Variants in TOX4 observed in about 807,000 individuals in gnomAD.
The protein encoded by TOX4 is TOX high mobility group box family member 4, also known as epidermal Langerhans cell protein LCP1.
TOX4 carries 12 observed loss-of-function variants against 61.0 expected under a neutral mutation model. The ratio of observed to expected loss-of-function variants is 0.20; its 90% confidence interval spans 0.13 to 0.32. The LOEUF is 0.32. TOX4 is among the 10% of genes least tolerant of loss of function. TOX4 has a pLI of 1.00. For missense variants in TOX4, 499 were observed against 753.3 expected, an observed-to-expected ratio of 0.66 and a Z score of 3.95; for synonymous variants, 268 against 274.8, an observed-to-expected ratio of 0.98 and a Z score of 0.24.
Position 21,496,843 on chromosome 14 carries a change from G to A in TOX4, c.*237G>A, listed in dbSNP as rs1891414074. 2 of 454,724 alleles carry A rather than the reference G, an allele frequency of 4.4e-6. No homozygotes were observed. The highest frequency in any genetic ancestry group is 7.8e-5 in the Admixed American group (2 of 25,750). The allele number at this position is 454,724 out of a possible 1,614,324, so 28.2% of individuals were successfully genotyped here. ...CATAAGCGGTAATAGCAGAGGAAAG[G>A]GTGAAGGGAGTCTGGGCAAGCAAAG... On this transcript the variant is annotated 3_prime_UTR_variant, in exon 9 of 9. Transcript: ENST00000448790.
Position 21,477,290 on chromosome 14 carries a change from A to G in TOX4, c.6+6A>G. 1 of 1,613,996 alleles carries G rather than the reference A, an allele frequency of 6.2e-7. No individual in the cohort carries two copies. Among genetic ancestry groups the G allele is most frequent in the Non-Finnish European group, 8.5e-7 (1 of 1,179,944 alleles). Reference sequence around the variant, plus strand: ...GCGGTTGTGTGAAGATGGAGGTAGGAACCTGATAGCTAAGAAGGCTGGCGA... The same window carrying G: ...GCGGTTGTGTGAAGATGGAGGTAGGGACCTGATAGCTAAGAAGGCTGGCGA... On this transcript the variant is annotated splice_donor_region_variant and intron_variant, in intron 1 of 8. Transcript: ENST00000448790.
intron 2 of TOX4, among the ~76,000 whole-genome samples, chr14:21,480,003 T>A (rs565171029): frequency 6.6e-6 from 1 of 152,282 alleles, no homozygotes; most frequent in East Asian, 1.9e-4. Flanking sequence ...TTGCTTTTGC[T>A]TTTGTTTTTA....
chr14:21,494,486 G>A (rs1480134002), intron 7 of TOX4, among the ~76,000 whole-genome samples: 1 of 152,110 alleles, frequency 6.6e-6, no homozygotes, highest in East Asian at 1.9e-4. Context: ...GGTGGCTCAC[G>A]CCTGTAATCC....
Position 21,483,974 on chromosome 14 carries a change from A to AT in TOX4, c.76-3472dup, listed in dbSNP as rs1442968127. Among the ~76,000 whole-genome samples, 5 of 151,820 alleles carry AT rather than the reference A, an allele frequency of 3.3e-5. 1 individual carries two copies. The East Asian group carries it at 9.7e-4, about 30-fold the overall frequency. On this transcript the variant is annotated intron_variant, in intron 2 of 8. Coordinates refer to ENST00000448790, the MANE Select transcript of TOX4 (RefSeq NM_014828.4). Reference sequence around the variant, plus strand: ...AGACGCACACCACCACACCCAGCTAATTTTTGTATTTTTAGTAGAGATGGG... The same window carrying AT: ...AGACGCACACCACCACACCCAGCTAATTTTTTGTATTTTTAGTAGAGATGGG...
Position 21,477,200 on chromosome 14 carries a change from G to A in TOX4, c.-79G>A, listed in dbSNP as rs1030750309. 5.0e-6 allele frequency: 8 copies of A among 1,611,802 alleles called. No homozygotes were observed. The highest frequency in any genetic ancestry group is 1.3e-5 in the African/African-American group (1 of 74,884). On this transcript the variant is annotated 5_prime_UTR_variant, in exon 1 of 9. Coordinates refer to ENST00000448790, the MANE Select transcript of TOX4 (RefSeq NM_014828.4). ...CAGCAGAGAGAACACACGTCCTTGCGGAAGTGACGGCAGTTCCGAGTCCAG... is the reference window on the plus strand; with the variant it reads ...CAGCAGAGAGAACACACGTCCTTGCAGAAGTGACGGCAGTTCCGAGTCCAG...
At position 21,498,253 on chromosome 14, in the gene TOX4, T is replaced by C; in HGVS notation, c.*1647T>C. ...ATGGATTCTTAGCTCTGTAAGGAAG[T>C]GCTTCTATAAATTCTTAGGTTTAGA... On this transcript the variant is annotated 3_prime_UTR_variant, in exon 9 of 9. Coordinates refer to ENST00000448790, the MANE Select transcript of TOX4 (RefSeq NM_014828.4). 6.6e-7 allele frequency: 1 copy of C among 1,507,166 alleles called. No individual in the cohort carries two copies. The highest frequency in any genetic ancestry group is 9.2e-7 in the Non-Finnish European group (1 of 1,082,382). The allele number at this position is 1,507,166 out of a possible 1,614,324, so 93.4% of individuals were successfully genotyped here.
chr14:21,483,898 C>T (rs774266520), intron 2 of TOX4, among the ~76,000 whole-genome samples: 3 of 151,994 alleles, frequency 2.0e-5, no homozygotes, highest in Non-Finnish European at 4.4e-5. Flanking sequence ...GCCTTCAACT[C>T]CTGGGTTCAA....
intron 3 of TOX4, chr14:21,488,388 G>C: frequency 6.8e-6 from 4 of 589,522 alleles, no homozygotes. Flanking sequence ...CTTCTTTTGA[G>C]TGCAAAGAAG....
intron 5 of TOX4, 55 bp from the exon 6 acceptor site, chr14:21,492,241 C>A: frequency 6.8e-7 from 1 of 1,481,414 alleles, no homozygotes; most frequent in Non-Finnish European, 9.3e-7. Context: ...AACTATCAGT[C>A]TTTCCTAAGA....
chr14:21,485,458 G>A (rs1891178357), intron 2 of TOX4, among the ~76,000 whole-genome samples: 1 of 104,222 alleles, frequency 9.6e-6, no homozygotes, highest in Admixed American at 8.6e-5. Context: ...ATGGTGGTGT[G>A]CACCTGTAGT....
intron 3 of TOX4, 123 bp from the exon 4 acceptor site, chr14:21,488,467 A>G: frequency 1.1e-6 from 1 of 926,064 alleles, no homozygotes; most frequent in Non-Finnish European, 1.6e-6. Flanking sequence ...AGACTATTTT[A>G]TGTTTTGTAT....
At chr14:21,482,601 T>A in intron 2 of TOX4, 1 of 470,018 alleles carries the variant, frequency 2.1e-6, no homozygotes, top group South Asian at 1.6e-5. Context: ...AAAGGAAAGC[T>A]AAGTTAGAAG....
At position 21,487,663 on chromosome 14, in the gene TOX4, C is replaced by T. The variant is rs762717084; in HGVS notation, c.288C>T (p.Gly96=). The change falls in exon 3 of 9, where the codon GGC becomes GGT. Residue 96 remains glycine (G), a synonymous_variant. Coordinates refer to ENST00000448790, the MANE Select transcript of TOX4 (RefSeq NM_014828.4). ...VGMTHGLMEQ[G]GGLLSGGLTM... is the part of the protein sequence containing the mutation. ...TGACCCATGGCTTGATGGAGCAGGGCGGGGGGCTCCTGAGTGGGGGCTTGA... is the reference window on the plus strand; with the variant it reads ...TGACCCATGGCTTGATGGAGCAGGGTGGGGGGCTCCTGAGTGGGGGCTTGA... 2.0e-5 allele frequency: 33 copies of T among 1,613,050 alleles called. No individual in the cohort carries two copies. The highest frequency in any genetic ancestry group is 1.2e-4 in the South Asian group (11 of 91,078).
chr14:21,479,026 C>CTGT (rs10633914), intron 2 of TOX4, among the ~76,000 whole-genome samples: 1 of 149,244 alleles, frequency 6.7e-6, no homozygotes. Context: ...GTTACCCAGG[C>CTGT]TCTTTAACTC....
At chr14:21,477,470 C>T (rs12878084) in intron 1 of TOX4, 26 bp from the exon 2 acceptor site, 224,725 of 1,612,764 alleles carry the variant, frequency 0.14, 17,224 homozygotes, top group Admixed American at 0.28. Flanking sequence ...CCTAACTTAT[C>T]CCCGCGACTT....
At position 21,495,332 on chromosome 14, in the gene TOX4, T is replaced by C. The variant is rs148586065; in HGVS notation, c.1745T>C (p.Ile582Thr). Residue 582 changes from isoleucine (I) to threonine (T), a missense_variant, in exon 8 of 9, where the codon ATT becomes ACT. Physicochemically the swap from Ile to Thr is moderately conservative, Grantham distance 89. Coordinates refer to ENST00000448790, the MANE Select transcript of TOX4 (RefSeq NM_014828.4). ...CVRSGCENPP[I>T]VSKDWDNEYC... ...AGGTCTGGTTGTGAGAACCCTCCCA[T>C]TGTGAGTAAGGACTGGGACAATGAA... The C allele has an allele frequency of 5.6e-6, 9 of 1,613,996 alleles. No individual in the cohort carries two copies. In the East Asian group the frequency reaches 8.9e-5, roughly 16 times the overall value.
At chr14:21,482,137 G>T (rs147016859) in intron 2 of TOX4, among the ~76,000 whole-genome samples, 5 of 152,158 alleles carry the variant, frequency 3.3e-5, no homozygotes, top group Non-Finnish European at 7.4e-5. Context: ...TGATCTGAAG[G>T]CAATTTAATC....
In TOX4 at chr14:21,498,284, T is replaced by C. The variant is rs956059848; in HGVS notation, c.*1678T>C. 1 of 1,609,668 alleles carries C rather than the reference T, an allele frequency of 6.2e-7. No homozygotes were observed. On this transcript the variant is annotated 3_prime_UTR_variant, in exon 9 of 9. Coordinates refer to ENST00000448790, the MANE Select transcript of TOX4 (RefSeq NM_014828.4). The stretch of plus-strand genomic sequence containing the variant: ...TATAAATTCTTAGGTTTAGAGATGA[T>C]ACCATCTGGGTACCTTTGCTTGAAC...
At chr14:21,477,900 A>G (rs1271315164) in intron 2 of TOX4, among the ~76,000 whole-genome samples, 1 of 152,226 alleles carries the variant, frequency 6.6e-6, no homozygotes, top group African/African-American at 2.4e-5. Context: ...AAAATGTTTC[A>G]GCAGCTGAAG....
Sources: gnomAD v4.1 joint callset for allele counts (sites outside exome capture counted in the v4.1 genomes callset) on GRCh38, gnomAD v4.1.1 for gene constraint, MANE v1.5 for transcripts, NCBI Gene and HGNC (gene_info 2026-07-23, HGNC 2026-07-21) for gene names.